MPP7: variants seen among roughly 807,000 people sequenced by gnomAD.
MPP7 encodes the protein MAGUK p55 scaffold protein 7, also known as MAGUK p55 subfamily member 7.
In MPP7, 60 loss-of-function variants were observed where a neutral mutation model predicts 76.5. The ratio of observed to expected loss-of-function variants is 0.78; its 90% CI spans 0.64 to 0.97. The LOEUF (loss-of-function observed/expected upper bound fraction) is 0.97, where lower values mean the gene tolerates loss of function less well. Ranked by LOEUF, MPP7 falls within the 50% of genes least tolerant of loss-of-function variation. The pLI is 0.00. For missense variants in MPP7, 641 were observed against 694.0 expected (o/e 0.92, Z 0.86); for synonymous variants, 237 against 244.5 (o/e 0.97, Z 0.29).
chr10:28,070,331 G>A (rs548958657), intron 12 of MPP7, among the ~76,000 whole-genome samples: 11 of 152,138 alleles, frequency 7.2e-5, no homozygotes, highest in East Asian at 1.9e-4. Flanking sequence ...CCCGGGAGGC[G>A]GAGCTTGCAG....
At chr10:28,322,807 G>C (rs1226988522) in intron 2 of MPP7, among the ~76,000 whole-genome samples, 1 of 152,168 alleles carries the variant, frequency 6.6e-6, no homozygotes, top group Non-Finnish European at 1.5e-5. Flanking sequence ...TTAAATTATT[G>C]ATAAGACCTG....
chr10:28,155,854 C>G (rs574073030), intron 3 of MPP7, among the ~76,000 whole-genome samples: 3 of 152,216 alleles, frequency 2.0e-5, no homozygotes, highest in African/African-American at 7.2e-5. Context: ...CCTTTCTTTG[C>G]AAACACAATG....
At chr10:28,306,711 T>G (rs865820706), upstream of MPP7, among the ~76,000 whole-genome samples, 16 of 144,240 alleles carry the variant, frequency 1.1e-4, no homozygotes, top group South Asian at 2.1e-4. Context: ...AGTTGATAGA[T>G]AGATGATAGA....
chr10:28,072,825 T>C (rs1338624761), intron 12 of MPP7, among the ~76,000 whole-genome samples: 1 of 152,194 alleles, frequency 6.6e-6, no homozygotes, highest in Non-Finnish European at 1.5e-5. Context: ...ACTCACTCAG[T>C]TATTCTTCCC....
chr10:28,259,418 A>G (rs1000320307), intron 1 of MPP7, among the ~76,000 whole-genome samples: 2 of 152,000 alleles, frequency 1.3e-5, no homozygotes, highest in African/African-American at 4.8e-5. Flanking sequence ...GTCTCTGATA[A>G]AAATACAAAA....
At chr10:28,312,095 G>T (rs1393151762) in intron 2 of MPP7, among the ~76,000 whole-genome samples, 2 of 152,158 alleles carry the variant, frequency 1.3e-5, no homozygotes. Flanking sequence ...GCAGCAGCAA[G>T]ATTTATTGTG....
intron 3 of MPP7, among the ~76,000 whole-genome samples, chr10:28,164,442 T>C (rs150170088): frequency 0.028 from 4,251 of 152,126 alleles, 93 homozygotes; most frequent in Non-Finnish European, 0.046. Context: ...AACTACTTGG[T>C]AGCTAAGTGG....
At chr10:28,217,947 G>T (rs1432822205) in intron 2 of MPP7, among the ~76,000 whole-genome samples, 1 of 152,190 alleles carries the variant, frequency 6.6e-6, no homozygotes, top group Non-Finnish European at 1.5e-5. Flanking sequence ...GGTTCAGAAC[G>T]CCTAAAGAGA....
intron 3 of MPP7, among the ~76,000 whole-genome samples, chr10:28,177,808 A>AT (rs1306536397): frequency 6.6e-6 from 1 of 152,164 alleles, no homozygotes; most frequent in East Asian, 1.9e-4. Flanking sequence ...AAAAGAGACA[A>AT]TTTGACCCAG....
chr10:28,298,408 T>C lies in MPP7; in HGVS notation c.-132+4453A>G, dbSNP rs556732102. Among the ~76,000 whole-genome samples the C allele has an allele frequency of 3.9e-5, 6 of 152,338 alleles. No homozygotes were observed. The South Asian group carries it at 1.0e-3, about 26-fold the overall frequency. ...TCCTTGTACATCTCCATCAGAGCTC[T>C]TGGGTGACCAGGTGCATTGTCAATG... On this transcript the variant is annotated intron_variant, in intron 1 of 16. Coordinates refer to ENST00000683449, the MANE Select transcript of MPP7 (RefSeq NM_001318170.2).
chr10:28,067,770 A>G (rs963524826), intron 13 of MPP7, among the ~76,000 whole-genome samples: 3 of 152,214 alleles, frequency 2.0e-5, no homozygotes, highest in African/African-American at 7.2e-5. Flanking sequence ...CTTCAAAAGA[A>G]GTCAGTTTTG....
intron 3 of MPP7, among the ~76,000 whole-genome samples, chr10:28,198,193 T>A (rs1481240787): frequency 2.0e-5 from 3 of 152,226 alleles, no homozygotes; most frequent in African/African-American, 7.2e-5. Flanking sequence ...TAAAAGGTAC[T>A]AACAATTCCA....
chr10:28,221,032 C>T (rs1838486671), intron 2 of MPP7, among the ~76,000 whole-genome samples: 2 of 152,074 alleles, frequency 1.3e-5, no homozygotes, highest in African/African-American at 4.8e-5. Flanking sequence ...CCAAGAACAA[C>T]CTGTTACACA....
chr10:28,242,055 C>T (rs1839289116), intron 1 of MPP7, among the ~76,000 whole-genome samples: 1 of 152,120 alleles, frequency 6.6e-6, no homozygotes, highest in Admixed American at 6.6e-5. Flanking sequence ...CCATAGTCTG[C>T]AACATTTTTT....
At chr10:28,306,172 A>G (rs1841254277), upstream of MPP7, among the ~76,000 whole-genome samples, 1 of 152,348 alleles carries the variant, frequency 6.6e-6, no homozygotes, top group Middle Eastern at 3.4e-3. Flanking sequence ...AAAGCACCAG[A>G]CATTAGGAAA....
chr10:28,299,072 GT>G (rs1341248267), intron 1 of MPP7, among the ~76,000 whole-genome samples: 1 of 152,150 alleles, frequency 6.6e-6, no homozygotes, highest in African/African-American at 2.4e-5. Flanking sequence ...CAATAAGGCT[GT>G]TTCACTTTCT....
chr10:28,132,820 G>A (rs1032821037), intron 5 of MPP7, among the ~76,000 whole-genome samples: 6 of 135,422 alleles, frequency 4.4e-5, no homozygotes, highest in Non-Finnish European at 1.0e-4. Context: ...GGCTGGTCTT[G>A]AACTCCTGAC....
intron 2 of MPP7, among the ~76,000 whole-genome samples, chr10:28,229,244 A>T (rs781155401): frequency 1.3e-5 from 2 of 152,240 alleles, no homozygotes; most frequent in African/African-American, 2.4e-5. Context: ...CAGAGAAAGA[A>T]GCCAGATTAC....
chr10:28,279,131 G>A (rs1840591348), intron 1 of MPP7, among the ~76,000 whole-genome samples: 1 of 152,020 alleles, frequency 6.6e-6, no homozygotes, highest in South Asian at 2.1e-4. Context: ...TGAATCTACA[G>A]GGTGGGCCTG....
Sources: gnomAD v4.1 joint callset for allele counts (sites outside exome capture counted in the v4.1 genomes callset) on GRCh38, gnomAD v4.1.1 for gene constraint, MANE v1.5 for transcripts, NCBI Gene and HGNC (gene_info 2026-07-23, HGNC 2026-07-21) for gene names.